The following DHX8 variants were observed in gnomAD, a reference collection of about 807,000 sequenced individuals.
DHX8 encodes ATP-dependent RNA helicase DHX8.
A neutral mutation model predicts 140.7 loss-of-function variants in DHX8; 67 were observed. The observed-to-expected ratio is 0.48, with a 90% confidence interval of 0.39 to 0.58. The LOEUF is 0.58. DHX8 is among the 20% of genes least tolerant of loss of function. The pLI is 0.00. For missense variants in DHX8, 887 were observed against 1,550.7 expected (o/e 0.57, Z 7.19); for synonymous variants, 533 against 553.2 (o/e 0.96, Z 0.51).
chr17:43,520,963 AC>A (rs1459474867), intron 20 of DHX8, 84 bp downstream of exon 20: 353 of 655,442 alleles, frequency 5.4e-4, no homozygotes, highest in Non-Finnish European at 6.4e-4. Context: ...CTTGATGTGG[AC>A]TTTTTTTTTT....
At chr17:43,520,964 CTTTTTTTTTTTT>C in intron 20 of DHX8, 85 bp downstream of exon 20, 1 of 399,002 alleles carries the variant, frequency 2.5e-6, no homozygotes. Flanking sequence ...TTGATGTGGA[CTTTTTTTTTTTT>C]TTTTTTTTTT....
At chr17:43,520,325 C>T in intron 19 of DHX8, 58 bp downstream of exon 19, 2 of 1,596,324 alleles carry the variant, frequency 1.3e-6, no homozygotes, top group Non-Finnish European at 1.7e-6. Flanking sequence ...CAGCCTTTCA[C>T]ATCCTTCGGT....
rs1441904716 is a variant in DHX8, at chr17:43,504,783, G to A, written c.1686G>A (p.Arg562=). 1 of 1,614,120 alleles carries A rather than the reference G, an allele frequency of 6.2e-7. No individual in the cohort carries two copies. Among genetic ancestry groups the A allele is most frequent in the Non-Finnish European group, 8.5e-7 (1 of 1,180,026 alleles). ...CCCAGATGTCAATCCTTGAGCAGAGGGAGAGCCTGCCCATCTACAAACTGA... is the reference window on the plus strand; with the variant it reads ...CCCAGATGTCAATCCTTGAGCAGAGAGAGAGCCTGCCCATCTACAAACTGA... The part of the protein sequence containing the change: ...KKTQMSILEQ[R]ESLPIYKLKE... The change falls in exon 12 of 23, where the codon AGG becomes AGA. Residue 562 remains arginine (R), a synonymous_variant. Transcript: ENST00000262415.
intron 19 of DHX8, 27 bp from the exon 20 acceptor site, chr17:43,520,724 A>C: frequency 6.2e-7 from 1 of 1,613,774 alleles, no homozygotes; most frequent in Admixed American, 1.7e-5. Flanking sequence ...ACAGGGAAGC[A>C]GTTGTAGTCT....
downstream of DHX8, chr17:43,529,074 C>T: frequency 2.0e-6 from 3 of 1,485,046 alleles, no homozygotes; most frequent in Non-Finnish European, 2.8e-6. Flanking sequence ...GACCCTCTCC[C>T]CAGTCAGCTT....
At chr17:43,507,246 G>T in intron 13 of DHX8, 49 bp downstream of exon 13, 1 of 1,544,200 alleles carries the variant, frequency 6.5e-7, no homozygotes, top group Non-Finnish European at 8.8e-7. Context: ...CAAAGGCCCA[G>T]GTCTCTTAAT....
chr17:43,529,786 G>A (rs1598192536), downstream of DHX8: 1 of 1,595,300 alleles, frequency 6.3e-7, no homozygotes, highest in Non-Finnish European at 8.6e-7. Flanking sequence ...ACTTTTCTAT[G>A]GGTCCCACCC....
intron 17 of DHX8, 140 bp downstream of exon 17, chr17:43,513,642 A>T: frequency 4.9e-6 from 3 of 610,034 alleles, no homozygotes; most frequent in Non-Finnish European, 4.8e-6. Context: ...TGAGGGAAGG[A>T]TTTTTTGTTA....
intron 3 of DHX8, among the ~76,000 whole-genome samples, chr17:43,538,683 T>G (rs948879127): frequency 2.0e-5 from 3 of 152,070 alleles, no homozygotes; most frequent in Non-Finnish European, 2.9e-5. Context: ...TTTGCCCCTC[T>G]CTCAAAAATA....
intron 9 of DHX8, 133 bp from the exon 10 acceptor site, chr17:43,498,729 G>A (rs538429186): frequency 6.3e-5 from 39 of 620,144 alleles, no homozygotes; most frequent in African/African-American, 6.2e-4. Flanking sequence ...GATTACAGGC[G>A]TGAGCCACCA....
At chr17:43,517,481 C>G in intron 18 of DHX8, 159 bp downstream of exon 18, 2 of 824,072 alleles carry the variant, frequency 2.4e-6, no homozygotes, top group Non-Finnish European at 3.6e-6. Context: ...CAGCCTCTCA[C>G]GGCAGGTCTG....
chr17:43,484,860 C>T (rs1968038784), intron 1 of DHX8, among the ~76,000 whole-genome samples: 2 of 152,136 alleles, frequency 1.3e-5, no homozygotes, highest in African/African-American at 4.8e-5. Context: ...CCAGGCTGGT[C>T]TCGAACTTCT....
chr17:43,507,081 G>A lies in DHX8; in HGVS notation c.1807G>A (p.Ala603Thr). Reference sequence around the variant, plus strand: ...GACAACACAGATCACCCAGTACCTGGCGGAGGCAGGCTACACTTCCAGGGG... The same window carrying A: ...GACAACACAGATCACCCAGTACCTGACGGAGGCAGGCTACACTTCCAGGGG... ...GKTTQITQYL[A>T]EAGYTSRGKI... Residue 603 changes from alanine to threonine, a missense_variant, in exon 13 of 23, where the codon GCG becomes ACG. Ala to Thr is a moderately conservative substitution (Grantham distance 58). Transcript: ENST00000262415. The A allele has an allele frequency of 6.2e-7, 1 of 1,614,038 alleles. No individual in the cohort carries two copies. Among genetic ancestry groups the A allele is most frequent in the Non-Finnish European group, 8.5e-7 (1 of 1,180,006 alleles).
chr17:43,525,383 A>T lies in DHX8; in HGVS notation c.*1536A>T. 5.1e-6 allele frequency: 5 copies of T among 981,572 alleles called. No individual in the cohort carries two copies. The highest frequency in any genetic ancestry group is 4.8e-6 in the Non-Finnish European group (4 of 826,402). 60.8% of individuals were successfully genotyped at this position (981,572 alleles called of 1,614,324 possible). On this transcript the variant is annotated 3_prime_UTR_variant, in exon 23 of 23. Transcript: ENST00000262415. ...CTGGGCAGCAAACCACACCCTAAAG[A>T]CAATTCAGAAAGAGTCCGAGGGAGA...
chr17:43,507,429 G>C (rs1267931636), intron 13 of DHX8, 74 bp from the exon 14 acceptor site: 10 of 1,395,796 alleles, frequency 7.2e-6, no homozygotes, highest in Non-Finnish European at 9.8e-6. Flanking sequence ...AGAGTGACTG[G>C]GCTGAAATCT....
At chr17:43,540,898 A>G (rs1405782962) in intron 3 of DHX8, among the ~76,000 whole-genome samples, 1 of 151,834 alleles carries the variant, frequency 6.6e-6, no homozygotes, top group Non-Finnish European at 1.5e-5. Context: ...GGGGTGGCTG[A>G]CGCATTCCGG....
chr17:43,507,008 C>T lies in DHX8; in HGVS notation c.1734C>T (p.Val578=). The change falls in exon 13 of 23, where the codon GTC becomes GTT. Residue 578 remains valine (V), a synonymous_variant. Transcript: ENST00000262415. ...TTATATTCTGTTGCTTTCAGGCCGT[C>T]CATGACAATCAGATCCTGATTGTCA... ...YKLKEQLVQA[V]HDNQILIVIG... is the part of the protein sequence containing the mutation. 1 of 1,596,002 alleles carries T rather than the reference C, an allele frequency of 6.3e-7. No individual in the cohort carries two copies. Among genetic ancestry groups the T allele is most frequent in the African/African-American group, 1.3e-5 (1 of 74,386 alleles).
At position 43,522,344 on chromosome 17, in the gene DHX8, T is replaced by C. The variant is rs958107186; in HGVS notation, c.3443+118T>C. On this transcript the variant is annotated intron_variant, in intron 22 of 22. Coordinates refer to ENST00000262415, the MANE Select transcript of DHX8 (RefSeq NM_004941.3). ...CCAGTATGTCCTAGTATAACACTGC[T>C]TGCCTTTCTAGAGCAGCAGAAACCT... is the stretch of plus-strand genomic sequence containing the variant. 1.4e-5 allele frequency: 14 copies of C among 1,019,046 alleles called. No homozygotes were observed. In the Middle Eastern group the frequency reaches 9.7e-4, roughly 71 times the overall value. The allele number at this position is 1,019,046 out of a possible 1,614,324, so 63.1% of individuals were successfully genotyped here.
chr17:43,528,536 C>T (rs1567704285), downstream of DHX8: 2 of 1,611,230 alleles, frequency 1.2e-6, no homozygotes, highest in Non-Finnish European at 1.7e-6. Flanking sequence ...GAGTAGCCAC[C>T]CTTGGGGCCA....
Sources: gnomAD v4.1 joint callset for allele counts (sites outside exome capture counted in the v4.1 genomes callset) on GRCh38, gnomAD v4.1.1 for gene constraint, MANE v1.5 for transcripts, NCBI Gene and HGNC (gene_info 2026-07-23, HGNC 2026-07-21) for gene names.